GRAMD1B: variants seen among roughly 807,000 people sequenced by gnomAD.
The protein encoded by GRAMD1B is GRAM domain containing 1B.
In GRAMD1B, 37 loss-of-function variants were observed where a neutral mutation model predicts 99.7. That is an observed-to-expected ratio of 0.37 (90% CI 0.29 to 0.49). The LOEUF is 0.49. Ranked by LOEUF, GRAMD1B falls within the 20% of genes least tolerant of loss-of-function variation. The pLI, the probability that GRAMD1B is intolerant of heterozygous loss-of-function variation, is 0.98. For missense variants in GRAMD1B, 888 were observed against 1,009.2 expected, an observed-to-expected ratio of 0.88 and a Z score of 1.63; for synonymous variants, 427 against 387.6, an observed-to-expected ratio of 1.10 and a Z score of -1.19.
chr11:123,598,682 A>T (rs1431459476), intron 7 of GRAMD1B: 8 of 1,046,814 alleles, frequency 7.6e-6, no homozygotes, highest in Non-Finnish European at 1.1e-5. Context: ...CCAAACCCAG[A>T]GAGGCCAACT....
chr11:123,392,227 G>A (rs1233292952), intron 1 of GRAMD1B, among the ~76,000 whole-genome samples: 1 of 151,964 alleles, frequency 6.6e-6, no homozygotes, highest in Non-Finnish European at 1.5e-5. Context: ...TGAAAGCAGG[G>A]ACAAGTCTCC....
In GRAMD1B at chr11:123,599,216, C is replaced by A. The variant is rs2136677061; in HGVS notation, c.970-1252C>A. 3 of 761,956 alleles carry A rather than the reference C, an allele frequency of 3.9e-6. No homozygotes were observed. In the South Asian group the frequency reaches 4.0e-5, roughly 10 times the overall value. 47.2% of individuals were successfully genotyped at this position (761,956 alleles called of 1,614,324 possible). On this transcript the variant is annotated intron_variant, in intron 7 of 19. Transcript: ENST00000635736. The stretch of plus-strand genomic sequence containing the variant: ...GTCTGTTACAGAAATCAGAAAATTC[C>A]TTGGGTCCTGAAATGGCACCGAGCT...
At chr11:123,582,739 C>A (rs1557423) in intron 3 of GRAMD1B, among the ~76,000 whole-genome samples, 1 of 151,624 alleles carries the variant, frequency 6.6e-6, no homozygotes, top group Non-Finnish European at 1.5e-5. Context: ...CACATGGCCA[C>A]TGGTCATCAC....
At chr11:123,511,870 A>G (rs1304400526) in intron 2 of GRAMD1B, among the ~76,000 whole-genome samples, 4 of 152,334 alleles carry the variant, frequency 2.6e-5, no homozygotes, top group African/African-American at 9.6e-5. Flanking sequence ...CCAGCCCTAC[A>G]GGCTGTGTGA....
At chr11:123,389,974 C>G (rs968619259) in intron 1 of GRAMD1B, among the ~76,000 whole-genome samples, 1 of 152,062 alleles carries the variant, frequency 6.6e-6, no homozygotes, top group Non-Finnish European at 1.5e-5. Flanking sequence ...CCAGGCTGGT[C>G]TCAAACTCCT....
chr11:123,483,696 G>A (rs1042183814), intron 2 of GRAMD1B, among the ~76,000 whole-genome samples: 3 of 152,078 alleles, frequency 2.0e-5, no homozygotes, highest in Admixed American at 6.5e-5. Flanking sequence ...AATATCTTCT[G>A]ACCACACTTG....
At chr11:123,611,399 A>C (rs1174376937) in intron 14 of GRAMD1B, among the ~76,000 whole-genome samples, 1 of 152,038 alleles carries the variant, frequency 6.6e-6, no homozygotes, top group Non-Finnish European at 1.5e-5. Flanking sequence ...GCACAACTGC[A>C]CTCCAGCCTG....
chr11:123,436,621 G>A (rs1177275366), intron 1 of GRAMD1B, among the ~76,000 whole-genome samples: 9 of 152,134 alleles, frequency 5.9e-5, no homozygotes, highest in Non-Finnish European at 7.4e-5. Context: ...AGTGTTGCTC[G>A]AGGCAACTAC....
intron 4 of GRAMD1B, among the ~76,000 whole-genome samples, chr11:123,590,624 A>G (rs1950552629): frequency 6.6e-6 from 1 of 151,898 alleles, no homozygotes; most frequent in African/African-American, 2.4e-5. Context: ...GCCACGGGTG[A>G]CTCTAACAAA....
Position 123,613,649 on chromosome 11 carries a change from CAT to C in GRAMD1B, c.2219_2220del (p.His740ArgfsTer41). The C allele has an allele frequency of 2.5e-6, 4 of 1,612,998 alleles. No homozygotes were observed. The highest frequency in any genetic ancestry group is 3.4e-6 in the Non-Finnish European group (4 of 1,179,568). On this transcript the variant is annotated frameshift_variant, in exon 16 of 20. Coordinates refer to ENST00000635736, the MANE Select transcript of GRAMD1B (RefSeq NM_001387025.1). LOFTEE classifies it high-confidence loss of function. ...TDEDVGHRIK[H>X]VAGSTQTRHI... ...TGAGGATGTGGGCCACAGGATCAAACATGTGGCAGGTGTGTGCCAGGTGGGGA... is the reference window on the plus strand; with the variant it reads ...TGAGGATGTGGGCCACAGGATCAAACGTGGCAGGTGTGTGCCAGGTGGGGA...
At chr11:123,400,900 G>C (rs375914738) in intron 1 of GRAMD1B, among the ~76,000 whole-genome samples, 1 of 152,168 alleles carries the variant, frequency 6.6e-6, no homozygotes, top group South Asian at 2.1e-4. Flanking sequence ...TCATTTTATA[G>C]ATGAAAAAGC....
At chr11:123,571,030 G>A (rs1032926639) in intron 2 of GRAMD1B, among the ~76,000 whole-genome samples, 1 of 152,236 alleles carries the variant, frequency 6.6e-6, no homozygotes, top group East Asian at 1.9e-4. Context: ...CAGGCGCACT[G>A]CAGAGGGAAG....
chr11:123,395,125 T>C (rs930097937), intron 1 of GRAMD1B, among the ~76,000 whole-genome samples: 12 of 152,212 alleles, frequency 7.9e-5, no homozygotes, highest in African/African-American at 2.9e-4. Flanking sequence ...TGTATCATAC[T>C]CATTTAGCCA....
intron 1 of GRAMD1B, among the ~76,000 whole-genome samples, chr11:123,419,698 AGTGT>A (rs3222403): frequency 0.31 from 40,909 of 133,190 alleles, 6,349 homozygotes; most frequent in Admixed American, 0.4. Context: ...GGAATTTCTA[AGTGT>A]GTGTGTGTGT....
At chr11:123,389,890 G>C (rs1465009577) in intron 1 of GRAMD1B, among the ~76,000 whole-genome samples, 1 of 151,866 alleles carries the variant, frequency 6.6e-6, no homozygotes, top group South Asian at 2.1e-4. Flanking sequence ...TGATTACTGG[G>C]ATTACAAGCG....
intron 2 of GRAMD1B, among the ~76,000 whole-genome samples, chr11:123,529,092 T>A (rs571540775): frequency 6.6e-6 from 1 of 152,300 alleles, no homozygotes; most frequent in Non-Finnish European, 1.5e-5. Context: ...ATTGTGAAGT[T>A]AAAAAAATTT....
chr11:123,616,665 C>A (rs1954434536), intron 17 of GRAMD1B, among the ~76,000 whole-genome samples: 1 of 152,274 alleles, frequency 6.6e-6, no homozygotes, highest in Non-Finnish European at 1.5e-5. Flanking sequence ...TGACACAGCA[C>A]AGCTTGCCCT....
At chr11:123,448,467 G>T (rs568823328) in intron 1 of GRAMD1B, among the ~76,000 whole-genome samples, 1 of 152,282 alleles carries the variant, frequency 6.6e-6, no homozygotes, top group South Asian at 2.1e-4. Flanking sequence ...CAATTCGCCC[G>T]CCTTGGCCTC....
chr11:123,482,237 T>G (rs1052669196), intron 2 of GRAMD1B, among the ~76,000 whole-genome samples: 9 of 152,126 alleles, frequency 5.9e-5, no homozygotes, highest in Non-Finnish European at 1.2e-4. Context: ...TAATTGGGAT[T>G]ACAGGCAAGT....
Sources: allele counts gnomAD v4.1 joint callset (sites outside exome capture counted in the v4.1 genomes callset), GRCh38; gene constraint gnomAD v4.1.1; transcripts MANE v1.5; gene names NCBI Gene and HGNC (gene_info 2026-07-23, HGNC 2026-07-21).